Variants in NAT1 observed in about 807,000 individuals in gnomAD.
NAT1 encodes the protein arylamine N-acetyltransferase 1.
For synonymous variants in NAT1, 144 were observed against 122.6 expected, an observed-to-expected ratio of 1.17 and a Z score of -1.16; for missense variants, 400 against 339.2, an observed-to-expected ratio of 1.18 and a Z score of -1.41.
intron 2 of NAT1, among the ~76,000 whole-genome samples, chr8:18,202,054 C>A (rs6586711): frequency 0.65 from 99,581 of 152,092 alleles, 32,981 homozygotes; most frequent in Non-Finnish European, 0.71. Flanking sequence ...AAGAAATCCC[C>A]ATTTGTAAGC....
intron 2 of NAT1, among the ~76,000 whole-genome samples, chr8:18,180,041 GGT>G (rs1802450815): frequency 6.6e-6 from 1 of 152,106 alleles, no homozygotes; most frequent in African/African-American, 2.4e-5. Flanking sequence ...ATGCAGTAGG[GGT>G]CAGGTAAGAT....
chr8:18,175,522 A>C (rs1802262206), intron 2 of NAT1, among the ~76,000 whole-genome samples: 1 of 152,108 alleles, frequency 6.6e-6, no homozygotes, highest in Non-Finnish European at 1.5e-5. Context: ...AGCTCCATCT[A>C]TGTTGTCACA....
At chr8:18,176,511 A>C (rs1462735060) in intron 2 of NAT1, among the ~76,000 whole-genome samples, 2 of 152,014 alleles carry the variant, frequency 1.3e-5, no homozygotes, top group Non-Finnish European at 2.9e-5. Flanking sequence ...TCAATTGGCC[A>C]TAAACACTTC....
intron 2 of NAT1, among the ~76,000 whole-genome samples, chr8:18,199,112 G>A (rs137862784): frequency 7.1e-4 from 108 of 151,824 alleles, no homozygotes; most frequent in African/African-American, 2.5e-3. Flanking sequence ...TCAGGAGTTC[G>A]AAACCAGCCT....
chr8:18,215,217 G>T (rs1804518727), intron 1 of NAT1, among the ~76,000 whole-genome samples: 1 of 152,168 alleles, frequency 6.6e-6, no homozygotes, highest in South Asian at 2.1e-4. Context: ...TCATTGATGG[G>T]TATTCAGGTT....
chr8:18,219,277 CT>C (rs1452695235), intron 1 of NAT1, 133 bp from the exon 2 acceptor site: 2 of 617,026 alleles, frequency 3.2e-6, no homozygotes, highest in Non-Finnish European at 5.6e-6. Flanking sequence ...CAAATGTTCA[CT>C]TTACTGTGCA....
intron 2 of NAT1, among the ~76,000 whole-genome samples, chr8:18,201,723 C>T (rs960572704): frequency 2.6e-5 from 4 of 152,118 alleles, no homozygotes; most frequent in Non-Finnish European, 4.4e-5. Flanking sequence ...GTGGAAGCAT[C>T]GCACTGGCTA....
intron 1 of NAT1, among the ~76,000 whole-genome samples, chr8:18,215,057 A>G (rs1423248642): frequency 6.6e-6 from 1 of 152,214 alleles, no homozygotes; most frequent in Non-Finnish European, 1.5e-5. Context: ...CATAGTGTAT[A>G]AGTACCACAT....
rs762346362 is a variant in NAT1, at chr8:18,222,502, T to G, written c.455T>G (p.Leu152Trp). The change falls in exon 3 of 3, where the codon TTG becomes TGG. Residue 152 changes from leucine to tryptophan, a missense_variant. By Grantham distance (61) the Leu-to-Trp change is moderately conservative. Coordinates refer to ENST00000307719, the MANE Select transcript of NAT1 (RefSeq NM_000662.8). ...CCTCAGGTGCCTTGTGTCTTCCGTT[T>G]GACGGAAGAGAATGGATTCTGGTAT... is the stretch of plus-strand genomic sequence containing the variant. Reference protein sequence around the residue: ...DQPQVPCVFRLTEENGFWYLD... With the variant: ...DQPQVPCVFRWTEENGFWYLD... 2 of 1,614,134 alleles carry G rather than the reference T, an allele frequency of 1.2e-6. No individual in the cohort carries two copies. Among genetic ancestry groups the G allele is most frequent in the South Asian group, 2.2e-5 (2 of 91,076 alleles).
At chr8:18,196,917 C>G (rs567048432) in intron 2 of NAT1, among the ~76,000 whole-genome samples, 1 of 152,272 alleles carries the variant, frequency 6.6e-6, no homozygotes, top group East Asian at 1.9e-4. Flanking sequence ...CGTTCTCACA[C>G]TGCTATAAAG....
At chr8:18,199,027 T>C (rs943994449) in intron 2 of NAT1, among the ~76,000 whole-genome samples, 6 of 152,108 alleles carry the variant, frequency 3.9e-5, no homozygotes, top group African/African-American at 1.4e-4. Context: ...TAAGACCTTT[T>C]TTTTGGCCTG....
chr8:18,179,546 T>C (rs560888216), intron 2 of NAT1, among the ~76,000 whole-genome samples: 3 of 152,262 alleles, frequency 2.0e-5, no homozygotes, highest in South Asian at 4.1e-4. Context: ...AAATGGCGTA[T>C]TGAAATGAGC....
chr8:18,188,218 G>A (rs1802822942), intron 2 of NAT1, among the ~76,000 whole-genome samples: 1 of 152,176 alleles, frequency 6.6e-6, no homozygotes, highest in Non-Finnish European at 1.5e-5. Context: ...ACACATCCCT[G>A]AAAACACTGT....
chr8:18,174,439 T>A (rs1802212146), intron 2 of NAT1, among the ~76,000 whole-genome samples: 1 of 152,170 alleles, frequency 6.6e-6, no homozygotes, highest in Non-Finnish European at 1.5e-5. Flanking sequence ...AAGTTCCTAC[T>A]GTTTTCTAGC....
chr8:18,213,962 T>C (rs11996324), intron 1 of NAT1, among the ~76,000 whole-genome samples: 18,104 of 152,022 alleles, frequency 0.12, 3,375 homozygotes, highest in African/African-American at 0.39. Context: ...TACAGGCACC[T>C]GCCATTGTGC....
intron 1 of NAT1, chr8:18,216,769 TGACA>T (rs1168976856): frequency 3.2e-6 from 2 of 621,028 alleles, no homozygotes; most frequent in African/African-American, 1.9e-5. Flanking sequence ...GCTAAGCAGT[TGACA>T]GACAGATACT....
chr8:18,219,168 G>A (rs1805016345), intron 1 of NAT1, among the ~76,000 whole-genome samples: 1 of 152,006 alleles, frequency 6.6e-6, no homozygotes, highest in Non-Finnish European at 1.5e-5. Context: ...CCCCGCTGCT[G>A]GTGGCTTCCA....
chr8:18,211,963 T>C (rs1804151587), intron 1 of NAT1, among the ~76,000 whole-genome samples: 1 of 152,238 alleles, frequency 6.6e-6, no homozygotes, highest in African/African-American at 2.4e-5. Context: ...TTGTGCTGAT[T>C]GTAGCCTTAA....
chr8:18,198,888 G>GAA (rs199770615), intron 2 of NAT1, among the ~76,000 whole-genome samples: 2 of 151,922 alleles, frequency 1.3e-5, no homozygotes, highest in Non-Finnish European at 2.9e-5. Context: ...TGCAATTAGA[G>GAA]AAAAAAACTT....
Sources: gnomAD v4.1 joint callset for allele counts (sites outside exome capture counted in the v4.1 genomes callset) on GRCh38, gnomAD v4.1.1 for gene constraint, MANE v1.5 for transcripts, NCBI Gene and HGNC (gene_info 2026-07-23, HGNC 2026-07-21) for gene names.